Variants in CHCHD3 observed in about 807,000 individuals in gnomAD.
CHCHD3 encodes the protein MICOS complex subunit MIC19.
A neutral mutation model predicts 38.2 loss-of-function variants in CHCHD3; 20 were observed. The ratio of observed to expected loss-of-function variants is 0.52; its 90% CI spans 0.37 to 0.76. The LOEUF (loss-of-function observed/expected upper bound fraction) is 0.76, where lower values mean the gene tolerates loss of function less well. Among genes scored for constraint, CHCHD3 ranks in the 30% least tolerant of loss-of-function variants. The pLI, the probability that CHCHD3 is intolerant of heterozygous loss-of-function variation, is 0.00. For synonymous variants in CHCHD3, 82 were observed against 100.0 expected (o/e 0.82, Z 1.07); for missense variants, 245 against 279.2 (o/e 0.88, Z 0.87).
chr7:132,843,771 A>T (rs953640481), intron 5 of CHCHD3, among the ~76,000 whole-genome samples: 1 of 152,192 alleles, frequency 6.6e-6, no homozygotes, highest in Non-Finnish European at 1.5e-5. Flanking sequence ...CTTTAATGTC[A>T]TCTGTTTTCT....
At chr7:133,053,225 C>T (rs931457360) in intron 2 of CHCHD3, among the ~76,000 whole-genome samples, 6 of 152,216 alleles carry the variant, frequency 3.9e-5, no homozygotes, top group Non-Finnish European at 7.3e-5. Flanking sequence ...GGCTCAGTCA[C>T]GTCAGGGCTT....
intron 6 of CHCHD3, among the ~76,000 whole-genome samples, chr7:132,820,185 G>GT (rs1807310623): frequency 6.6e-6 from 1 of 152,050 alleles, no homozygotes; most frequent in South Asian, 2.1e-4. Context: ...CAGGATCATC[G>GT]TAACACTCAA....
chr7:133,066,140 A>G (rs1814662962), intron 2 of CHCHD3, among the ~76,000 whole-genome samples: 2 of 152,244 alleles, frequency 1.3e-5, no homozygotes, highest in Admixed American at 1.3e-4. Context: ...CTTCAGAGCT[A>G]AAGTTTTCAT....
intron 3 of CHCHD3, among the ~76,000 whole-genome samples, chr7:133,007,365 C>A (rs1812727669): frequency 6.6e-6 from 1 of 152,170 alleles, no homozygotes; most frequent in Non-Finnish European, 1.5e-5. Context: ...TACCATAACT[C>A]AATTCTACCA....
intron 3 of CHCHD3, among the ~76,000 whole-genome samples, chr7:133,001,372 T>C (rs1175037273): frequency 1.3e-5 from 2 of 152,196 alleles, no homozygotes; most frequent in East Asian, 1.9e-4. Context: ...CAGAGATCCT[T>C]GGATTTTTAC....
At chr7:132,875,875 T>A (rs1047368455) in intron 5 of CHCHD3, among the ~76,000 whole-genome samples, 3 of 152,256 alleles carry the variant, frequency 2.0e-5, no homozygotes, top group Admixed American at 2.0e-4. Context: ...AAACTTGCTT[T>A]ATATGCCAAA....
At chr7:133,024,459 G>T in intron 3 of CHCHD3, 87 bp downstream of exon 3, 1 of 993,496 alleles carries the variant, frequency 1.0e-6, no homozygotes, top group Non-Finnish European at 1.6e-6. Context: ...CACAAATAAT[G>T]AGACTTATCA....
intron 4 of CHCHD3, among the ~76,000 whole-genome samples, chr7:132,951,304 G>T (rs1811031253): frequency 6.6e-6 from 1 of 152,184 alleles, no homozygotes; most frequent in Non-Finnish European, 1.5e-5. Flanking sequence ...AATGAATCAA[G>T]AAATAGAGTC....
chr7:132,935,602 C>T (rs961619702), intron 4 of CHCHD3, among the ~76,000 whole-genome samples: 14 of 152,066 alleles, frequency 9.2e-5, no homozygotes, highest in African/African-American at 2.9e-4. Context: ...GTAATGTTCA[C>T]AATTATACTA....
intron 6 of CHCHD3, among the ~76,000 whole-genome samples, chr7:132,833,225 T>C (rs1279629108): frequency 6.6e-6 from 1 of 152,180 alleles, no homozygotes; most frequent in African/African-American, 2.4e-5. Flanking sequence ...TAAGTTGTTA[T>C]AAAATGCGAC....
In CHCHD3 at chr7:133,027,363, A is replaced by AAGAGAGAGAGAGAG. The variant is rs371411456; in HGVS notation, c.170-2750_170-2737dup. Among the ~76,000 whole-genome samples the AAGAGAGAGAGAGAG allele has an allele frequency of 8.2e-5, 11 of 133,792 alleles. No individual in the cohort carries two copies. The South Asian group carries it at 8.5e-4, about 10-fold the overall frequency. The allele number at this position is 133,792 out of a possible 152,430, so 87.8% of individuals were successfully genotyped here. On this transcript the variant is annotated intron_variant, in intron 2 of 7. Transcript: ENST00000262570. Reference sequence around the variant, plus strand: ...TGCTAAATGTACCTTAATAAGTTGTAAGAGAGAGAGAGAGAGAGAGAGAAA... The same window carrying AAGAGAGAGAGAGAG: ...TGCTAAATGTACCTTAATAAGTTGTAAGAGAGAGAGAGAGAGAGAGAGAGAGAGAGAGAGAGAAA...
intron 1 of CHCHD3, among the ~76,000 whole-genome samples, chr7:133,078,856 C>G (rs1413676915): frequency 6.6e-6 from 1 of 152,186 alleles, no homozygotes; most frequent in African/African-American, 2.4e-5. Flanking sequence ...AAAGTTGGAA[C>G]GTTTTCTTCA....
intron 3 of CHCHD3, among the ~76,000 whole-genome samples, chr7:132,975,673 G>C (rs370849734): frequency 1.3e-5 from 2 of 152,172 alleles, no homozygotes; most frequent in African/African-American, 4.8e-5. Context: ...GCTCACACCT[G>C]TAATCCCAGC....
At chr7:132,867,822 G>A (rs1457790567) in intron 5 of CHCHD3, among the ~76,000 whole-genome samples, 1 of 152,066 alleles carries the variant, frequency 6.6e-6, no homozygotes, top group Non-Finnish European at 1.5e-5. Flanking sequence ...GATTTTCTCT[G>A]GATAATGAGG....
chr7:132,979,769 T>C (rs903122494), intron 3 of CHCHD3, among the ~76,000 whole-genome samples: 1 of 152,216 alleles, frequency 6.6e-6, no homozygotes, highest in South Asian at 2.1e-4. Flanking sequence ...TTTTGACCAG[T>C]GCCCAAAGAT....
chr7:132,852,206 C>T (rs991807366), intron 5 of CHCHD3, among the ~76,000 whole-genome samples: 1 of 152,110 alleles, frequency 6.6e-6, no homozygotes, highest in Non-Finnish European at 1.5e-5. Context: ...AGAAGCCAAC[C>T]TAAAATTCAT....
chr7:132,928,562 T>C (rs1180136667), intron 4 of CHCHD3, among the ~76,000 whole-genome samples: 1 of 152,046 alleles, frequency 6.6e-6, no homozygotes, highest in Non-Finnish European at 1.5e-5. Flanking sequence ...CCAGGCATGG[T>C]GGTGCATGCC....
At chr7:132,989,242 C>A (rs1200075614) in intron 3 of CHCHD3, among the ~76,000 whole-genome samples, 1 of 152,152 alleles carries the variant, frequency 6.6e-6, no homozygotes, top group Non-Finnish European at 1.5e-5. Context: ...TGGTCATCTA[C>A]ATTTCTGTGT....
At chr7:132,919,171 C>T (rs1331640256) in intron 4 of CHCHD3, among the ~76,000 whole-genome samples, 1 of 130,570 alleles carries the variant, frequency 7.7e-6, no homozygotes, top group African/African-American at 3.0e-5. Flanking sequence ...TGCAGTGGCG[C>T]GATCTCGGCT....
Sources: allele counts gnomAD v4.1 joint callset (sites outside exome capture counted in the v4.1 genomes callset), GRCh38; gene constraint gnomAD v4.1.1; transcripts MANE v1.5; gene names NCBI Gene and HGNC (gene_info 2026-07-23, HGNC 2026-07-21).